COL5A2: variants seen among roughly 807,000 people sequenced by gnomAD.
COL5A2 encodes the protein collagen alpha-2(V) chain.
Under a neutral mutation model 208.2 loss-of-function variants are expected in COL5A2, and 23 were observed. That is an observed-to-expected ratio of 0.11 (90% CI 0.08 to 0.16). The LOEUF (loss-of-function observed/expected upper bound fraction) is 0.16, where lower values mean the gene tolerates loss of function less well. Among genes scored for constraint, COL5A2 ranks in the 10% least tolerant of loss-of-function variants. The probability of loss-of-function intolerance (pLI) is 1.00; values close to 1 mark genes in which losing one functional copy is unlikely to be tolerated. For missense variants in COL5A2, 1,590 were observed against 1,956.4 expected, an observed-to-expected ratio of 0.81 and a Z score of 3.53; for synonymous variants, 625 against 628.5, an observed-to-expected ratio of 0.99 and a Z score of 0.08.
At chr2:189,277,540 C>T in the COL5A2 span, among the ~76,000 whole-genome samples, 1 of 152,036 alleles carries the variant, frequency 6.6e-6, no homozygotes, top group Non-Finnish European at 1.5e-5. Context: ...TTTTCCTAGA[C>T]TTAAGAATCA....
At chr2:189,430,686 T>C in the COL5A2 span, among the ~76,000 whole-genome samples, 1 of 30,208 alleles carries the variant, frequency 3.3e-5, no homozygotes, top group African/African-American at 5.3e-5. Context: ...GCCAGAAAGC[T>C]TGAACTGGGT....
the COL5A2 span, among the ~76,000 whole-genome samples, chr2:189,396,047 A>G: frequency 6.6e-6 from 1 of 152,102 alleles, no homozygotes; most frequent in South Asian, 2.1e-4. Flanking sequence ...AAATCAGGAT[A>G]TTTGAGTAAG....
At chr2:189,115,682 CTG>C (rs1477339724) in intron 1 of COL5A2, among the ~76,000 whole-genome samples, 2 of 152,194 alleles carry the variant, frequency 1.3e-5, no homozygotes, top group Non-Finnish European at 2.9e-5. Context: ...AGCTGTGAGA[CTG>C]TGAGCTCCTC....
intron 1 of COL5A2, among the ~76,000 whole-genome samples, chr2:189,201,156 A>G (rs367580057): frequency 2.0e-5 from 3 of 152,230 alleles, no homozygotes; most frequent in South Asian, 4.1e-4. Flanking sequence ...AAAGTTAATT[A>G]TATGATAAAG....
the COL5A2 span, among the ~76,000 whole-genome samples, chr2:189,303,451 A>T: frequency 3.9e-5 from 6 of 151,966 alleles, no homozygotes; most frequent in Non-Finnish European, 7.4e-5. Flanking sequence ...CTGGGTATTC[A>T]CCCTGGAGTT....
At chr2:189,311,711 A>G in the COL5A2 span, 2 of 756,010 alleles carry the variant, frequency 2.6e-6, no homozygotes, top group Non-Finnish European at 2.4e-6. Context: ...CATGGTGACC[A>G]CTGTGGTCTC....
At chr2:189,091,219 A>G (rs1045078065) in intron 7 of COL5A2, among the ~76,000 whole-genome samples, 5 of 152,216 alleles carry the variant, frequency 3.3e-5, no homozygotes, top group African/African-American at 1.2e-4. Context: ...AACTAGAATT[A>G]TAAGTAGAGC....
intron 8 of COL5A2, among the ~76,000 whole-genome samples, chr2:189,088,413 T>C (rs545661380): frequency 6.6e-6 from 1 of 152,362 alleles, no homozygotes; most frequent in South Asian, 2.1e-4. Flanking sequence ...ATTGTGGCTG[T>C]GGTTATATGT....
intron 51 of COL5A2, among the ~76,000 whole-genome samples, chr2:189,038,812 C>T (rs1685495102): frequency 6.6e-6 from 1 of 152,148 alleles, no homozygotes; most frequent in African/African-American, 2.4e-5. Context: ...GCCTCAGCCT[C>T]CCGAGTAGCT....
Position 189,171,535 on chromosome 2 carries a change from C to T in COL5A2, c.97+7973G>A, listed in dbSNP as rs74901633. ...AGGTAAAATGGTAGATCTTAGTGAA[C>T]GATTGGAATTGTGCTGATTGAATGA... On this transcript the variant is annotated intron_variant, in intron 1 of 53. Transcript: ENST00000374866. Among the ~76,000 whole-genome samples, 929 of 152,164 alleles carry T rather than the reference C, an allele frequency of 6.1e-3. 13 individuals carry two copies. The highest frequency in any genetic ancestry group is 0.02 in the African/African-American group (819 of 41,512).
chr2:189,168,538 C>T (rs978495896), intron 1 of COL5A2, among the ~76,000 whole-genome samples: 7 of 151,250 alleles, frequency 4.6e-5, no homozygotes, highest in Non-Finnish European at 7.4e-5. Context: ...AATCTGAGAA[C>T]GAAAGAATGA....
chr2:189,266,931 A>G, the COL5A2 span, among the ~76,000 whole-genome samples: 1 of 151,806 alleles, frequency 6.6e-6, no homozygotes, highest in South Asian at 2.1e-4. Context: ...GTTAACATAA[A>G]ATCTCTAAAA....
At chr2:189,273,999 T>C in the COL5A2 span, among the ~76,000 whole-genome samples, 1 of 148,478 alleles carries the variant, frequency 6.7e-6, no homozygotes. Context: ...ATTTTAAGTA[T>C]TCTTACCACA....
At chr2:189,050,494 A>C (rs1685761138) in intron 43 of COL5A2, 75 bp downstream of exon 43, 1 of 1,269,516 alleles carries the variant, frequency 7.9e-7, no homozygotes, top group South Asian at 1.3e-5. Flanking sequence ...CATCAAGCAA[A>C]AAAAATAAAA....
chr2:189,337,189 T>C, the COL5A2 span, among the ~76,000 whole-genome samples: 6 of 144,322 alleles, frequency 4.2e-5, no homozygotes, highest in East Asian at 1.9e-4. Context: ...TTTTTTTTCT[T>C]TTTTTTTTTT....
At chr2:189,286,734 T>C in the COL5A2 span, among the ~76,000 whole-genome samples, 5 of 152,204 alleles carry the variant, frequency 3.3e-5, no homozygotes, top group African/African-American at 9.6e-5. Flanking sequence ...AATGTAGTTT[T>C]TAAATTATTT....
chr2:189,050,553 C>T lies in COL5A2; in HGVS notation c.3039+16G>A, dbSNP rs556328295. 3.3e-5 allele frequency: 50 copies of T among 1,533,654 alleles called. No homozygotes were observed. In the South Asian group the frequency reaches 5.0e-4, roughly 15 times the overall value. ...TGCACATATGAGATAAAATATTGACCGATGCAGCTACTCACCGCTGGGCCT... is the reference window on the plus strand; with the variant it reads ...TGCACATATGAGATAAAATATTGACTGATGCAGCTACTCACCGCTGGGCCT... On this transcript the variant is annotated intron_variant, in intron 43 of 53. Transcript: ENST00000374866.
At chr2:189,256,068 C>T in the COL5A2 span, among the ~76,000 whole-genome samples, 2 of 152,178 alleles carry the variant, frequency 1.3e-5, no homozygotes, top group African/African-American at 2.4e-5. Context: ...GTCTCTATCT[C>T]GTGCCTGTTA....
the COL5A2 span, among the ~76,000 whole-genome samples, chr2:189,385,653 A>C: frequency 2.0e-5 from 3 of 152,108 alleles, no homozygotes; most frequent in African/African-American, 7.2e-5. Context: ...CGAAAAAAAA[A>C]CCAGCCTGAA....
Sources: allele counts gnomAD v4.1 joint callset (sites outside exome capture counted in the v4.1 genomes callset), GRCh38; gene constraint gnomAD v4.1.1; transcripts MANE v1.5; gene names NCBI Gene and HGNC (gene_info 2026-07-23, HGNC 2026-07-21).